The following NHERF2 variants were observed in gnomAD, a reference collection of about 807,000 sequenced individuals.
The protein encoded by NHERF2 is NHERF family PDZ scaffold protein 2.
At chr16:2,035,494 G>A in the NHERF2 span, 35 of 986,312 alleles carry the variant, frequency 3.5e-5, no homozygotes, top group Non-Finnish European at 3.9e-5. Context: ...TCTCCCCTGC[G>A]CACGCCCTCA....
At chr16:2,036,979 A>G in the NHERF2 span, 7 of 1,552,238 alleles carry the variant, frequency 4.5e-6, no homozygotes, top group Non-Finnish European at 6.1e-6. Context: ...CCCGTCACCA[A>G]TGGAACCAGC....
chr16:2,029,900 G>C, the NHERF2 span: 1 of 876,190 alleles, frequency 1.1e-6, no homozygotes, highest in Non-Finnish European at 1.8e-6. Context: ...CTGCCTTTTG[G>C]GGCTCCTTTT....
chr16:2,032,615 C>T, the NHERF2 span, among the ~76,000 whole-genome samples: 1 of 152,186 alleles, frequency 6.6e-6, no homozygotes, highest in African/African-American at 2.4e-5. The surrounding 1 kb of genome is among the most constrained non-coding windows in gnomAD (Gnocchi z 4.0). Flanking sequence ...TCTCAGTGTC[C>T]TCTGTCCTGG....
At chr16:2,030,551 C>T in the NHERF2 span, among the ~76,000 whole-genome samples, 1 of 151,802 alleles carries the variant, frequency 6.6e-6, no homozygotes, top group South Asian at 2.1e-4. Context: ...CCAGGAGGAA[C>T]AGCCTGAAGC....
the NHERF2 span, chr16:2,036,963 C>T: frequency 5.8e-6 from 9 of 1,553,956 alleles, no homozygotes; most frequent in Middle Eastern, 1.8e-4. Context: ...AGGTCCTCTG[C>T]CGTCACCCGT....
the NHERF2 span, chr16:2,037,994 T>C: frequency 1.9e-6 from 3 of 1,613,352 alleles, no homozygotes; most frequent in African/African-American, 1.3e-5. Context: ...AGCCCCTTCC[T>C]GCCTGTCTCG....
At chr16:2,035,809 G>A in the NHERF2 span, 3 of 450,862 alleles carry the variant, frequency 6.7e-6, no homozygotes, top group Non-Finnish European at 8.8e-6. Context: ...GGGCCCACGG[G>A]GGTGGGGCGG....
the NHERF2 span, chr16:2,037,108 C>G: frequency 7.8e-7 from 1 of 1,284,048 alleles, no homozygotes; most frequent in Non-Finnish European, 1.1e-6. Context: ...TAGTGACACC[C>G]GATTTTAGCC....
chr16:2,027,936 A>C, the NHERF2 span, among the ~76,000 whole-genome samples: 2 of 151,274 alleles, frequency 1.3e-5, no homozygotes, highest in Non-Finnish European at 2.9e-5. Context: ...CAAAGGCACT[A>C]CTCCTCCTCA....
the NHERF2 span, among the ~76,000 whole-genome samples, chr16:2,037,305 G>A: frequency 2.0e-4 from 31 of 152,046 alleles, no homozygotes; most frequent in African/African-American, 3.4e-4. Flanking sequence ...CGTTGCTCAC[G>A]CCGGCCATTC....
At chr16:2,027,148 C>CCGCGCTG in the NHERF2 span, 1 of 1,475,234 alleles carries the variant, frequency 6.8e-7, no homozygotes, top group African/African-American at 1.5e-5. Flanking sequence ...GCCGAGGCCG[C>CCGCGCTG]CGCGCTGCGC....
At chr16:2,038,527 T>C in the NHERF2 span, 1 of 361,094 alleles carries the variant, frequency 2.8e-6, no homozygotes, top group South Asian at 2.0e-5. Flanking sequence ...CCGTCCTGAG[T>C]GGGAGTCCCT....
At chr16:2,029,832 C>G in the NHERF2 span, 1 of 1,457,728 alleles carries the variant, frequency 6.9e-7, no homozygotes, top group Non-Finnish European at 9.4e-7. Flanking sequence ...CCCAGAGGCT[C>G]TCTCAGCTTT....
At chr16:2,026,917 C>G in the NHERF2 span, 2 of 417,272 alleles carry the variant, frequency 4.8e-6, no homozygotes, top group African/African-American at 2.2e-5. Flanking sequence ...GGAGCCGCCG[C>G]TGAAGCCACC....
chr16:2,031,893 T>C, the NHERF2 span, among the ~76,000 whole-genome samples: 1 of 152,016 alleles, frequency 6.6e-6, no homozygotes, highest in East Asian at 1.9e-4. Flanking sequence ...GGTTTCACCA[T>C]GTTGCTCAAG....
chr16:2,028,475 G>A, the NHERF2 span, among the ~76,000 whole-genome samples: 47 of 152,226 alleles, frequency 3.1e-4, no homozygotes, highest in Non-Finnish European at 4.9e-4. Flanking sequence ...TGGACACACA[G>A]ACCATGGTGG....
At chr16:2,030,795 G>C in the NHERF2 span, among the ~76,000 whole-genome samples, 2 of 152,010 alleles carry the variant, frequency 1.3e-5, no homozygotes, top group African/African-American at 4.8e-5. Context: ...ACAAAAATCA[G>C]TTGGGCATGG....
chr16:2,036,594 G>A, the NHERF2 span: 3 of 1,520,750 alleles, frequency 2.0e-6, no homozygotes, highest in Admixed American at 5.9e-5. Context: ...GGAGACGCTG[G>A]GAACCTGAGC....
chr16:2,038,631 C>T, the NHERF2 span: 1 of 280,516 alleles, frequency 3.6e-6, no homozygotes, highest in Non-Finnish European at 6.8e-6. Context: ...GGAGCTGCCC[C>T]TGCCCACCTG....
Sources: allele counts gnomAD v4.1 joint callset (sites outside exome capture counted in the v4.1 genomes callset), GRCh38; gene constraint gnomAD v4.1.1; non-coding constraint Gnocchi (gnomAD v3.1); transcripts MANE v1.5; gene names NCBI Gene and HGNC (gene_info 2026-07-23, HGNC 2026-07-21).